The following PEX14 variants were observed in gnomAD, a reference collection of about 807,000 sequenced individuals.
PEX14 encodes the protein peroxisomal biogenesis factor 14.
Under a neutral mutation model 49.5 loss-of-function variants are expected in PEX14, and 15 were observed. The observed-to-expected ratio is 0.30, with a 90% CI of 0.20 to 0.47. PEX14 has a LOEUF of 0.47. Among genes scored for constraint, PEX14 ranks in the 20% least tolerant of loss-of-function variants. PEX14 has a pLI of 1.00. For synonymous variants in PEX14, 210 were observed against 212.7 expected (o/e 0.99, Z 0.11); for missense variants, 398 against 494.8 (o/e 0.80, Z 1.86).
intron 2 of PEX14, among the ~76,000 whole-genome samples, chr1:10,523,482 A>G (rs560801590): frequency 1.5e-4 from 23 of 152,222 alleles, no homozygotes; most frequent in Middle Eastern, 3.4e-3. Context: ...CGACTGCCTC[A>G]TGGAATCAAC....
At chr1:10,543,835 A>G (rs2506897) in intron 3 of PEX14, among the ~76,000 whole-genome samples, 105,185 of 152,062 alleles carry the variant, frequency 0.69, 38,735 homozygotes, top group Non-Finnish European at 0.82. Context: ...CTCGGCCTCA[A>G]GTCATCCTTC....
chr1:10,591,455 C>A (rs1490659100), intron 3 of PEX14, among the ~76,000 whole-genome samples: 1 of 152,038 alleles, frequency 6.6e-6, no homozygotes, highest in Non-Finnish European at 1.5e-5. Context: ...GGTTTGTTTT[C>A]CCCAAATATT....
At chr1:10,563,082 T>C (rs1384609086) in intron 3 of PEX14, among the ~76,000 whole-genome samples, 1 of 18,982 alleles carries the variant, frequency 5.3e-5, no homozygotes, top group African/African-American at 1.2e-4. Flanking sequence ...TGGCTAATTT[T>C]TTTTTTTTTT....
intron 5 of PEX14, among the ~76,000 whole-genome samples, chr1:10,622,521 T>A (rs1310543063): frequency 1.3e-4 from 20 of 152,232 alleles, no homozygotes. Flanking sequence ...GTTTTGTTTA[T>A]TAATTTACTC....
At chr1:10,568,378 G>A (rs1639875064) in intron 3 of PEX14, among the ~76,000 whole-genome samples, 1 of 126,232 alleles carries the variant, frequency 7.9e-6, no homozygotes, top group South Asian at 2.6e-4. Context: ...AAGTATTCTT[G>A]TATTCTTATT....
At chr1:10,559,817 TG>T (rs1639598554) in intron 3 of PEX14, among the ~76,000 whole-genome samples, 1 of 152,302 alleles carries the variant, frequency 6.6e-6, no homozygotes, top group South Asian at 2.1e-4. Flanking sequence ...AGACAGATTG[TG>T]GTAAAGGATG....
Position 10,580,505 on chromosome 1 carries a change from G to A in PEX14, c.170-18733G>A, listed in dbSNP as rs549419447. 9.9e-5 allele frequency among the ~76,000 whole-genome samples: 15 copies of A among 152,152 alleles called. 1 individual carries two copies. The South Asian group carries it at 2.3e-3, about 23-fold the overall frequency. ...CTTTCAAAGTGTTGGGGTTACAGGCGTGAGCCACTGCACCCAAACAGGCGT... is the reference window on the plus strand; with the variant it reads ...CTTTCAAAGTGTTGGGGTTACAGGCATGAGCCACTGCACCCAAACAGGCGT... On this transcript the variant is annotated intron_variant, in intron 3 of 8. Coordinates refer to ENST00000356607, the MANE Select transcript of PEX14 (RefSeq NM_004565.3).
At chr1:10,594,410 A>G (rs1640771078) in intron 3 of PEX14, among the ~76,000 whole-genome samples, 2 of 152,116 alleles carry the variant, frequency 1.3e-5, no homozygotes, top group Non-Finnish European at 2.9e-5. Context: ...CAGAGCGGGG[A>G]GGAAGAGGTC....
intron 3 of PEX14, among the ~76,000 whole-genome samples, chr1:10,593,780 G>A (rs572828210): frequency 2.7e-4 from 41 of 152,240 alleles, no homozygotes; most frequent in South Asian, 1.7e-3. Flanking sequence ...AATAAATACC[G>A]ATCAGCTTTA....
chr1:10,610,398 C>CACACACACATAT (rs70997260), intron 4 of PEX14, among the ~76,000 whole-genome samples: 1 of 140,696 alleles, frequency 7.1e-6, no homozygotes, highest in African/African-American at 2.6e-5. Flanking sequence ...CACACACACA[C>CACACACACATAT]ATATATATAT....
intron 3 of PEX14, among the ~76,000 whole-genome samples, chr1:10,572,069 C>T (rs1570285524): frequency 6.6e-6 from 1 of 152,090 alleles, no homozygotes; most frequent in African/African-American, 2.4e-5. Context: ...TTACTCAGCT[C>T]TTTCCTCAGA....
At chr1:10,530,126 C>T (rs890916776) in intron 2 of PEX14, among the ~76,000 whole-genome samples, 3 of 152,030 alleles carry the variant, frequency 2.0e-5, no homozygotes, top group South Asian at 2.1e-4. Context: ...TTTGTGTGTG[C>T]GTTAATTATA....
At chr1:10,515,415 C>T (rs778137549) in intron 2 of PEX14, among the ~76,000 whole-genome samples, 3 of 152,046 alleles carry the variant, frequency 2.0e-5, no homozygotes, top group Non-Finnish European at 4.4e-5. Context: ...AATTTGAGGC[C>T]GAGGCTGTTC....
chr1:10,535,811 G>T (rs963060627), intron 2 of PEX14: 9 of 345,190 alleles, frequency 2.6e-5, no homozygotes, highest in South Asian at 1.7e-4. Flanking sequence ...ACGTGCGCGT[G>T]GGGTAACGTT....
intron 3 of PEX14, among the ~76,000 whole-genome samples, chr1:10,567,032 C>A (rs992734933): frequency 6.6e-6 from 1 of 152,166 alleles, no homozygotes; most frequent in Admixed American, 6.5e-5. Flanking sequence ...CACTACTCAT[C>A]GCCACTGTGG....
intron 3 of PEX14, among the ~76,000 whole-genome samples, chr1:10,577,603 T>A: frequency 2.1e-5 from 1 of 46,916 alleles, no homozygotes; most frequent in Admixed American, 3.3e-4. Context: ...TTTTTTTTTT[T>A]TTTTTTTGGA....
At chr1:10,499,245 AT>A (rs1225246518) in intron 2 of PEX14, among the ~76,000 whole-genome samples, 9 of 152,232 alleles carry the variant, frequency 5.9e-5, no homozygotes, top group South Asian at 2.1e-4. Flanking sequence ...CAGCAATACT[AT>A]AGCTCATCTA....
At chr1:10,530,631 G>T (rs1379245813) in intron 2 of PEX14, among the ~76,000 whole-genome samples, 1 of 152,182 alleles carries the variant, frequency 6.6e-6, no homozygotes, top group Non-Finnish European at 1.5e-5. Context: ...TTGAATTTTG[G>T]CTGACCGAGC....
intron 3 of PEX14, among the ~76,000 whole-genome samples, chr1:10,543,174 G>A (rs967286929): frequency 3.3e-5 from 5 of 152,138 alleles, no homozygotes; most frequent in Admixed American, 6.5e-5. Flanking sequence ...TCGCTCTGTC[G>A]CCCAGGGTGG....
Sources: gnomAD v4.1 joint callset for allele counts (sites outside exome capture counted in the v4.1 genomes callset) on GRCh38, gnomAD v4.1.1 for gene constraint, MANE v1.5 for transcripts, NCBI Gene and HGNC (gene_info 2026-07-23, HGNC 2026-07-21) for gene names.